Variants in TAF6 observed in about 807,000 individuals in gnomAD.
TAF6 encodes TATA-box binding protein associated factor 6, also known as transcription initiation factor TFIID subunit 6.
Under a neutral mutation model 73.5 loss-of-function variants are expected in TAF6, and 50 were observed. The ratio of observed to expected loss-of-function variants is 0.68; its 90% CI spans 0.54 to 0.86. The LOEUF is 0.86. TAF6 is among the 40% of genes least tolerant of loss of function. TAF6 has a pLI of 0.00. For missense variants in TAF6, 768 were observed against 899.5 expected, an observed-to-expected ratio of 0.85 and a Z score of 1.87; for synonymous variants, 424 against 376.7, an observed-to-expected ratio of 1.13 and a Z score of -1.45.
upstream of TAF6, among the ~76,000 whole-genome samples, chr7:100,123,881 A>G (rs1246907141): frequency 6.6e-6 from 1 of 152,190 alleles, no homozygotes; most frequent in African/African-American, 2.4e-5. Context: ...ATGTAATCCC[A>G]GCACTTTGGG....
chr7:100,123,656 G>T (rs1325786070), upstream of TAF6, among the ~76,000 whole-genome samples: 1 of 152,042 alleles, frequency 6.6e-6, no homozygotes, highest in Admixed American at 6.5e-5. Flanking sequence ...GAGTAGCTGG[G>T]ATTACAGGCC....
At position 100,108,804 on chromosome 7, in the gene TAF6, G is replaced by A. The variant is rs547943403; in HGVS notation, c.1285-264C>T. The A allele has an allele frequency of 1.2e-5, 4 of 330,472 alleles. No individual in the cohort carries two copies. In the South Asian group the frequency reaches 2.2e-4, roughly 18 times the overall value. The allele number at this position is 330,472 out of a possible 1,614,324, so 20.5% of individuals were successfully genotyped here. A position where few individuals can be genotyped will look rare whatever the true frequency, so the allele number is the denominator to read the frequency against. Reference sequence around the variant, plus strand: ...GTATCCCAGCACTTGGGAGGCTGAGGTGGGTGGATCACTTGAGGTCAAGAG... The same window carrying A: ...GTATCCCAGCACTTGGGAGGCTGAGATGGGTGGATCACTTGAGGTCAAGAG... On this transcript the variant is annotated intron_variant, in intron 12 of 14. Transcript: ENST00000453269.
chr7:100,117,143 G>A (rs1264913659), intron 1 of TAF6, among the ~76,000 whole-genome samples: 1 of 152,002 alleles, frequency 6.6e-6, no homozygotes. Flanking sequence ...ATACTCGGGA[G>A]GCTGAGGCAG....
rs1796598667 is a variant in TAF6, at chr7:100,107,200, G to A, written c.*46C>T. ...CATGCATGTGTGTACGTGCACGTGT[G>A]TACATGTCTGCATGTGTGGGAATCC... On this transcript the variant is annotated 3_prime_UTR_variant, in exon 15 of 15. Coordinates refer to ENST00000453269, the MANE Select transcript of TAF6 (RefSeq NM_139315.3). 1 of 1,519,948 alleles carries A rather than the reference G, an allele frequency of 6.6e-7. No homozygotes were observed. Among genetic ancestry groups the A allele is most frequent in the Non-Finnish European group, 8.8e-7 (1 of 1,136,964 alleles). The allele number at this position is 1,519,948 out of a possible 1,614,324, so 94.2% of individuals were successfully genotyped here. A position where few individuals can be genotyped will look rare whatever the true frequency, so the allele number is the denominator to read the frequency against.
intron 1 of TAF6, chr7:100,114,685 A>G (rs1208217461): frequency 2.0e-5 from 5 of 252,558 alleles, no homozygotes; most frequent in Admixed American, 1.0e-4. Context: ...ACGCCACTGC[A>G]CTCCAGCCAG....
chr7:100,124,418 C>A, upstream of TAF6: 6 of 921,460 alleles, frequency 6.5e-6, no homozygotes, highest in African/African-American at 1.7e-5. Context: ...GGCTACCTGC[C>A]TCTCCAAAAT....
upstream of TAF6, chr7:100,122,234 C>G (rs547648272): frequency 5.6e-6 from 9 of 1,613,308 alleles, no homozygotes; most frequent in African/African-American, 6.7e-5. Flanking sequence ...TTTACCTCCC[C>G]CCGGACGTTT....
chr7:100,122,639 G>T, upstream of TAF6: 1 of 1,524,096 alleles, frequency 6.6e-7, no homozygotes, highest in Non-Finnish European at 8.9e-7. Context: ...ATCCCCTGAG[G>T]CCCTCCAGAG....
rs770925332 is a variant in TAF6 at position 100,107,634 on chromosome 7, A to G, written c.1657-11T>C. On this transcript the variant is annotated splice_polypyrimidine_tract_variant and intron_variant, in intron 14 of 14. Coordinates refer to ENST00000453269, the MANE Select transcript of TAF6 (RefSeq NM_139315.3). ...GCTGAGGGACAGGACCTGGATAGAA[A>G]GGAAAGGCAGGCCGCTTGCCCTGTG... is the stretch of plus-strand genomic sequence containing the variant. 25 of 1,608,908 alleles carry G rather than the reference A, an allele frequency of 1.6e-5. No individual in the cohort carries two copies. Among genetic ancestry groups the G allele is most frequent in the Admixed American group, 6.8e-5 (4 of 58,776 alleles).
chr7:100,120,480 G>T (rs914354426), upstream of TAF6: 1 of 152,328 alleles, frequency 6.6e-6, no homozygotes, highest in Non-Finnish European at 1.5e-5. Flanking sequence ...AAGGGGGCTG[G>T]CCCTGATGCC....
At chr7:100,124,517 G>C (rs774861124), upstream of TAF6, 3 of 1,610,814 alleles carry the variant, frequency 1.9e-6, no homozygotes, top group Non-Finnish European at 2.5e-6. Flanking sequence ...TGACCAGTGT[G>C]AGACCATGTT....
intron 8 of TAF6, 43 bp downstream of exon 8, chr7:100,111,879 G>C (rs760496986): frequency 1.2e-5 from 19 of 1,613,994 alleles, no homozygotes; most frequent in Middle Eastern, 1.6e-4. Context: ...CCTCACAGGA[G>C]CTTCCACTGC....
chr7:100,112,215 G>A lies in TAF6; in HGVS notation c.613C>T (p.Pro205Ser). 1 of 1,614,172 alleles carries A rather than the reference G, an allele frequency of 6.2e-7. No homozygotes were observed. Among genetic ancestry groups the A allele is most frequent in the Non-Finnish European group, 8.5e-7 (1 of 1,180,020 alleles). Residue 205 changes from proline to serine, a missense_variant, in exon 7 of 15, where the codon CCC (proline) becomes TCC (serine). Pro to Ser is a moderately conservative substitution (Grantham distance 74, BLOSUM62 -1). This residue lies in a region of TAF6 where 269 missense variants were observed against 268.0 expected (regional missense o/e 1.00). Coordinates refer to ENST00000453269, the MANE Select transcript of TAF6 (RefSeq NM_139315.3). ...KKAPPLLEGA[P>S]LRLKPRSIHE... Reference sequence around the variant, plus strand: ...ATGCTCCGGGGCTTCAGTCGCAAGGGGGCCCCCTCCAGCAAGGGCGGCGCC... The same window carrying A: ...ATGCTCCGGGGCTTCAGTCGCAAGGAGGCCCCCTCCAGCAAGGGCGGCGCC...
chr7:100,126,273 C>T, the TAF6 span, among the ~76,000 whole-genome samples: 23 of 152,184 alleles, frequency 1.5e-4, no homozygotes, highest in African/African-American at 5.5e-4. Flanking sequence ...ACCCAGGAGG[C>T]GGAGGTTGCA....
At chr7:100,122,250 C>T (rs923961597), upstream of TAF6, 2 of 1,612,268 alleles carry the variant, frequency 1.2e-6, no homozygotes, top group African/African-American at 1.3e-5. Flanking sequence ...CGTTTCTCCT[C>T]CCCACCAGTG....
chr7:100,116,141 T>C (rs1199122334), intron 1 of TAF6, among the ~76,000 whole-genome samples: 1 of 152,196 alleles, frequency 6.6e-6, no homozygotes, highest in Non-Finnish European at 1.5e-5. Flanking sequence ...CCAAAATGCT[T>C]CTGTCAAACT....
At chr7:100,124,796 CAGGAGGAGGAGG>C, upstream of TAF6, 4 of 1,612,454 alleles carry the variant, frequency 2.5e-6, no homozygotes, top group Non-Finnish European at 3.4e-6. Flanking sequence ...GGAGGAAGAG[CAGGAGGAGGAGG>C]AGGAAGAGGA....
At chr7:100,116,205 C>G (rs994609115) in intron 1 of TAF6, among the ~76,000 whole-genome samples, 3 of 152,116 alleles carry the variant, frequency 2.0e-5, no homozygotes, top group Admixed American at 1.3e-4. Flanking sequence ...TCTCCACTTG[C>G]CATAAAGTAA....
chr7:100,126,341 C>CA, the TAF6 span, among the ~76,000 whole-genome samples: 10 of 151,196 alleles, frequency 6.6e-5, no homozygotes, highest in East Asian at 2.0e-4. Context: ...GACTCCGTCT[C>CA]AAAAAAAACC....
Sources: gnomAD v4.1 joint callset for allele counts (sites outside exome capture counted in the v4.1 genomes callset) on GRCh38, gnomAD v4.1.1 for gene constraint, gnomAD v4.1.1 regional missense constraint, MANE v1.5 for transcripts, NCBI Gene and HGNC (gene_info 2026-07-23, HGNC 2026-07-21) for gene names.